Variants in LAMA1 observed in about 807,000 individuals in gnomAD.
The protein encoded by LAMA1 is laminin subunit alpha 1, also known as laminin subunit alpha-1.
LAMA1 carries 219 observed loss-of-function variants against 348.7 expected under a neutral mutation model. That is an observed-to-expected ratio of 0.63 (90% confidence interval 0.56 to 0.70). The LOEUF is 0.70. Among genes scored for constraint, LAMA1 ranks in the 30% least tolerant of loss-of-function variants. The pLI is 0.00. For synonymous variants in LAMA1, 1,487 were observed against 1,491.0 expected, an observed-to-expected ratio of 1.00 and a Z score of 0.06; for missense variants, 3,744 against 3,888.0, an observed-to-expected ratio of 0.96 and a Z score of 0.99.
At chr18:7,116,718 G>C (rs1442385112) in intron 1 of LAMA1, among the ~76,000 whole-genome samples, 1 of 152,238 alleles carries the variant, frequency 6.6e-6, no homozygotes, top group African/African-American at 2.4e-5. Context: ...ACGCTGCGAA[G>C]ACAGCTCTAG....
At chr18:7,015,186 T>C (rs1171430555) in intron 22 of LAMA1, among the ~76,000 whole-genome samples, 1 of 152,170 alleles carries the variant, frequency 6.6e-6, no homozygotes, top group Admixed American at 6.5e-5. Flanking sequence ...AACAACTAGG[T>C]TCTTGAAGAA....
chr18:7,090,319 A>G (rs1310316425), intron 1 of LAMA1, among the ~76,000 whole-genome samples: 2 of 152,220 alleles, frequency 1.3e-5, no homozygotes, highest in African/African-American at 4.8e-5. Flanking sequence ...ATGTAAAACG[A>G]GACTCTCATT....
intron 42 of LAMA1, among the ~76,000 whole-genome samples, chr18:6,980,136 C>T (rs1007567022): frequency 2.0e-5 from 3 of 152,172 alleles, no homozygotes; most frequent in Non-Finnish European, 4.4e-5. Context: ...CTTCAGTTCG[C>T]CACACTGATA....
intron 16 of LAMA1, among the ~76,000 whole-genome samples, chr18:7,027,713 C>T (rs527503353): frequency 4.6e-5 from 7 of 152,212 alleles, no homozygotes; most frequent in African/African-American, 1.2e-4. Flanking sequence ...TAGGCCAAGG[C>T]GGGTGGACCA....
chr18:7,065,015 C>A (rs1233723783), intron 3 of LAMA1, among the ~76,000 whole-genome samples: 3 of 151,958 alleles, frequency 2.0e-5, no homozygotes, highest in Admixed American at 6.6e-5. Context: ...AGGTGGATCA[C>A]AAGGTCAGGA....
At chr18:6,983,331 T>G in intron 39 of LAMA1, 97 bp from the exon 40 acceptor site, 2 of 1,236,070 alleles carry the variant, frequency 1.6e-6, no homozygotes, top group Non-Finnish European at 2.3e-6. Context: ...TTTGAAAGCC[T>G]CCTATCTTCT....
At chr18:7,065,699 C>G (rs751197072) in intron 3 of LAMA1, among the ~76,000 whole-genome samples, 5 of 152,214 alleles carry the variant, frequency 3.3e-5, no homozygotes, top group Non-Finnish European at 5.9e-5. Flanking sequence ...TGCACTCCAG[C>G]TTGGGTGACA....
intron 19 of LAMA1, 32 bp from the exon 20 acceptor site, chr18:7,017,416 C>T (rs755125926): frequency 2.0e-6 from 3 of 1,480,236 alleles, no homozygotes; most frequent in African/African-American, 1.4e-5. Context: ...CATATTAACC[C>T]TCACTTCTGA....
chr18:7,007,877 G>A (rs1252001735), intron 28 of LAMA1, among the ~76,000 whole-genome samples: 1 of 151,864 alleles, frequency 6.6e-6, no homozygotes, highest in African/African-American at 2.4e-5. Context: ...AGTGAAACAA[G>A]CCATTCGCAA....
chr18:7,093,195 T>C (rs1395495089), intron 1 of LAMA1, among the ~76,000 whole-genome samples: 5 of 152,088 alleles, frequency 3.3e-5, no homozygotes, highest in Admixed American at 6.6e-5. Flanking sequence ...GGCGGGCGGA[T>C]CACGAGGTCA....
At chr18:7,085,531 G>T (rs1429126813) in intron 1 of LAMA1, among the ~76,000 whole-genome samples, 1 of 145,926 alleles carries the variant, frequency 6.9e-6, no homozygotes, top group Non-Finnish European at 1.5e-5. Flanking sequence ...CCATTCTCCT[G>T]TCTCAGCCTC....
At chr18:7,049,303 A>T (rs1387057348) in intron 4 of LAMA1, 46 bp from the exon 5 acceptor site, 1 of 1,539,464 alleles carries the variant, frequency 6.5e-7, no homozygotes, top group Non-Finnish European at 9.0e-7. Flanking sequence ...TTGTTTATTT[A>T]TTTATTTATT....
intron 5 of LAMA1, among the ~76,000 whole-genome samples, chr18:7,047,758 A>G (rs1598296450): frequency 6.6e-6 from 1 of 152,196 alleles, no homozygotes; most frequent in African/African-American, 2.4e-5. Flanking sequence ...ATAGTTTTCA[A>G]CAACGGCCCC....
chr18:7,007,091 T>C (rs2057835545), intron 29 of LAMA1, 48 bp downstream of exon 29: 1 of 1,609,528 alleles, frequency 6.2e-7, no homozygotes, highest in East Asian at 2.2e-5. Flanking sequence ...ACACTCAGCG[T>C]CCACTTTACT....
Position 6,950,921 on chromosome 18 carries a change from T to G in LAMA1, c.8258A>C (p.Tyr2753Ser). 5 of 1,614,160 alleles carry G rather than the reference T, an allele frequency of 3.1e-6. No homozygotes were observed. Among genetic ancestry groups the G allele is most frequent in the Non-Finnish European group, 4.2e-6 (5 of 1,180,028 alleles). ...TGCTTGGTTCTGATGAGCCATGTAG[T>G]AAATCAGGCCGCTGGAGGCGAACGT... is the stretch of plus-strand genomic sequence containing the variant. ...IRTFASSGLIYYMAHQNQADY... is the reference protein window; with the variant it reads ...IRTFASSGLISYMAHQNQADY... The change falls in exon 58 of 63, where the codon TAC becomes TCC. Residue 2753 changes from tyrosine (Y) to serine (S), a missense_variant. Coordinates refer to ENST00000389658, the MANE Select transcript of LAMA1 (RefSeq NM_005559.4).
chr18:7,025,671 C>T (rs911393661), intron 17 of LAMA1, among the ~76,000 whole-genome samples: 2 of 152,196 alleles, frequency 1.3e-5, no homozygotes, highest in African/African-American at 2.4e-5. Flanking sequence ...TGTATCCCTC[C>T]ACCTCCTAGC....
chr18:7,088,708 G>C (rs1416474131), intron 1 of LAMA1, among the ~76,000 whole-genome samples: 1 of 151,960 alleles, frequency 6.6e-6, no homozygotes, highest in African/African-American at 2.4e-5. Flanking sequence ...TTTTCTCGTA[G>C]AGACAGAGTC....
chr18:7,056,127 G>A (rs1449618728), intron 3 of LAMA1, among the ~76,000 whole-genome samples: 1 of 151,912 alleles, frequency 6.6e-6, no homozygotes, highest in Admixed American at 6.6e-5. Context: ...CTTTGACAAG[G>A]AGGACAACGG....
At chr18:7,062,175 A>G (rs2058104711) in intron 3 of LAMA1, among the ~76,000 whole-genome samples, 1 of 152,248 alleles carries the variant, frequency 6.6e-6, no homozygotes, top group Admixed American at 6.5e-5. Flanking sequence ...TGGGAAAGCC[A>G]GAGGCTGACC....
Sources: allele counts gnomAD v4.1 joint callset (sites outside exome capture counted in the v4.1 genomes callset), GRCh38; gene constraint gnomAD v4.1.1; transcripts MANE v1.5; gene names NCBI Gene and HGNC (gene_info 2026-07-23, HGNC 2026-07-21).